The following DNAI7 variants were observed in gnomAD, a reference collection of about 807,000 sequenced individuals.
DNAI7 encodes the protein dynein axonemal intermediate chain 7.
A neutral mutation model predicts 86.6 loss-of-function variants in DNAI7; 78 were observed. The ratio of observed to expected loss-of-function variants is 0.90; its 90% CI spans 0.75 to 1.09. The LOEUF is 1.09. Ranked by LOEUF, DNAI7 falls within the 50% of genes least tolerant of loss-of-function variation. The pLI is 0.00. For synonymous variants in DNAI7, 274 were observed against 273.0 expected (o/e 1.00, Z -0.04); for missense variants, 753 against 810.2 (o/e 0.93, Z 0.86).
At chr12:25,173,778 T>C (rs954972447) in intron 2 of DNAI7, among the ~76,000 whole-genome samples, 1 of 151,218 alleles carries the variant, frequency 6.6e-6, no homozygotes, top group African/African-American at 2.4e-5. Context: ...AAATCATATA[T>C]ATACACACAT....
chr12:25,127,782 A>G (rs10842475), intron 9 of DNAI7, among the ~76,000 whole-genome samples: 60,367 of 152,048 alleles, frequency 0.4, 13,875 homozygotes, highest in East Asian at 0.78. Flanking sequence ...TGATATAAAA[A>G]CATAACCTAT....
Position 25,177,352 on chromosome 12 carries a change from C to T in DNAI7, c.21+13262G>A, listed in dbSNP as rs182006190. Among the ~76,000 whole-genome samples, 13 of 152,296 alleles carry T rather than the reference C, an allele frequency of 8.5e-5. No individual in the cohort carries two copies. In the East Asian group the frequency reaches 2.3e-3, roughly 27 times the overall value. Reference sequence around the variant, plus strand: ...CAATAGCTCCCCATTGCCCCTAGCCCTGTCACTCACCATTCTACTTTGTCT... The same window carrying T: ...CAATAGCTCCCCATTGCCCCTAGCCTTGTCACTCACCATTCTACTTTGTCT... On this transcript the variant is annotated intron_variant, in intron 2 of 15. Coordinates refer to ENST00000395987, the MANE Select transcript of DNAI7 (RefSeq NM_018272.5).
At chr12:25,156,771 G>T (rs1389192945) in intron 4 of DNAI7, among the ~76,000 whole-genome samples, 1 of 151,968 alleles carries the variant, frequency 6.6e-6, no homozygotes, top group African/African-American at 2.4e-5. Flanking sequence ...TTCTGATTTG[G>T]TTGGTGATTA....
intron 5 of DNAI7, 31 bp downstream of exon 5, chr12:25,155,280 G>A: frequency 8.5e-7 from 1 of 1,182,456 alleles, no homozygotes; most frequent in South Asian, 1.3e-5. Context: ...GGTGACAAAG[G>A]TATTAGCTAA....
At chr12:25,190,099 CAAAGT>C (rs1245176108) in intron 2 of DNAI7, among the ~76,000 whole-genome samples, 3 of 150,176 alleles carry the variant, frequency 2.0e-5, no homozygotes, top group Non-Finnish European at 3.0e-5. Context: ...TATAAATCTA[CAAAGT>C]AAAGAGAGAA....
At chr12:25,117,938 CTTTTTTTTTT>C (rs776942936) in intron 12 of DNAI7, among the ~76,000 whole-genome samples, 7 of 135,036 alleles carry the variant, frequency 5.2e-5, no homozygotes, top group African/African-American at 1.4e-4. Flanking sequence ...TTTTCTTTTT[CTTTTTTTTTT>C]TTTTTTTGAG....
intron 1 of DNAI7, chr12:25,192,975 C>G (rs1370952324): frequency 6.6e-6 from 1 of 151,706 alleles, no homozygotes; most frequent in African/African-American, 2.4e-5. Context: ...AAGCAAGACC[C>G]TGTCTAAAAA....
At chr12:25,143,732 A>G (rs925982493) in intron 9 of DNAI7, among the ~76,000 whole-genome samples, 1 of 152,254 alleles carries the variant, frequency 6.6e-6, no homozygotes, top group Non-Finnish European at 1.5e-5. Flanking sequence ...TTGGTCCCTC[A>G]TAACATGCAA....
chr12:25,145,551 T>C (rs891194627), intron 8 of DNAI7, among the ~76,000 whole-genome samples: 3 of 152,232 alleles, frequency 2.0e-5, no homozygotes, highest in African/African-American at 7.2e-5. Context: ...TGAGAAAGGT[T>C]ACTATATTGT....
At chr12:25,127,127 G>C (rs954676965) in intron 9 of DNAI7, among the ~76,000 whole-genome samples, 3 of 152,170 alleles carry the variant, frequency 2.0e-5, no homozygotes, top group African/African-American at 7.2e-5. Flanking sequence ...ACTTCTAGAA[G>C]GATGCAGTGA....
intron 2 of DNAI7, among the ~76,000 whole-genome samples, chr12:25,174,489 C>G (rs1453045348): frequency 1.4e-4 from 2 of 14,088 alleles, no homozygotes; most frequent in South Asian, 2.3e-3. Context: ...ATATATATAT[C>G]ATATATCCCA....
chr12:25,135,963 A>C (rs1943501748), intron 9 of DNAI7, among the ~76,000 whole-genome samples: 1 of 152,116 alleles, frequency 6.6e-6, no homozygotes, highest in Non-Finnish European at 1.5e-5. Context: ...TGGGAGCTCT[A>C]TGGCCCCATC....
rs1949425284 is a variant in DNAI7, at chr12:25,108,575, G to C, written c.2142C>G (p.Leu714=). Reference sequence around the variant, plus strand: ...AGGAGTAGCTGAGCAATCTGGTAGAGAGCAGCATGTGGCACACAGAGTTGA... The same window carrying C: ...AGGAGTAGCTGAGCAATCTGGTAGACAGCAGCATGTGGCACACAGAGTTGA... ...QFVNSVCHML[L]STRLLSYS The change falls in exon 16 of 16, where the codon CTC becomes CTG. Residue 714 remains leucine (L), a synonymous_variant. Transcript: ENST00000395987. 2 of 1,613,638 alleles carry C rather than the reference G, an allele frequency of 1.2e-6. No homozygotes were observed. Among genetic ancestry groups the C allele is most frequent in the Non-Finnish European group, 8.5e-7 (1 of 1,179,784 alleles).
chr12:25,149,515 G>C lies in DNAI7; in HGVS notation c.585+113C>G, dbSNP rs554014480. 14 of 726,820 alleles carry C rather than the reference G, an allele frequency of 1.9e-5. No individual in the cohort carries two copies. The Admixed American group carries it at 2.7e-4, about 14-fold the overall frequency. 45.0% of individuals were successfully genotyped at this position (726,820 alleles called of 1,614,324 possible). A position where few individuals can be genotyped will look rare whatever the true frequency, so the allele number is the denominator to read the frequency against. ...AAATATATGTACTCTAAATTATTCTGCTAACTTTTCCATAATCTCTTCATT... is the reference window on the plus strand; with the variant it reads ...AAATATATGTACTCTAAATTATTCTCCTAACTTTTCCATAATCTCTTCATT... On this transcript the variant is annotated intron_variant, in intron 7 of 15. Transcript: ENST00000395987.
chr12:25,168,249 G>A (rs981811250), intron 2 of DNAI7, among the ~76,000 whole-genome samples: 17 of 152,062 alleles, frequency 1.1e-4, no homozygotes, highest in African/African-American at 4.1e-4. Context: ...ACCTACATGT[G>A]TCTACCTGCT....
rs376270782 is a variant in DNAI7 at position 25,114,730 on chromosome 12, G to A, written c.1537C>T (p.Leu513=). The A allele has an allele frequency of 1.0e-4, 166 of 1,613,740 alleles. No homozygotes were observed. The highest frequency in any genetic ancestry group is 1.3e-4 in the Non-Finnish European group (153 of 1,179,816). ...ACTTTATTTACATCAAGTGGTCTTA[G>A]TTCCCATGACTGGTACGGCATGTTA... is the stretch of plus-strand genomic sequence containing the variant. The part of the protein sequence containing the change: ...HINMPYQSWE[L]RPLDVNKVLL... The change falls in exon 13 of 16, where the codon CTA becomes TTA. Residue 513 remains leucine (L), a synonymous_variant. Transcript: ENST00000395987.
At position 25,157,476 on chromosome 12, in the gene DNAI7, TAA is replaced by T. The variant is rs1946323738; in HGVS notation, c.198+994_198+995del. ...ATATGAGAATCCAGCTGTCTTCTGT[TAA>T]GTCAGATATCAAATAAATTTTTAAA... On this transcript the variant is annotated intron_variant, in intron 4 of 15. Coordinates refer to ENST00000395987, the MANE Select transcript of DNAI7 (RefSeq NM_018272.5). Among the ~76,000 whole-genome samples, 3 of 152,220 alleles carry T rather than the reference TAA, an allele frequency of 2.0e-5. No homozygotes were observed. In the South Asian group the frequency reaches 6.2e-4, roughly 32 times the overall value.
In DNAI7 at chr12:25,117,938, C is replaced by CTTTTTTTT. The variant is rs776942936; in HGVS notation, c.1396+1199_1396+1206dup. ...TAAACTATTTTGATATTTTCTTTTTCTTTTTTTTTTTTTTTTTGAGACGGA... is the reference window on the plus strand; with the variant it reads ...TAAACTATTTTGATATTTTCTTTTTCTTTTTTTTTTTTTTTTTTTTTTTTTGAGACGGA... On this transcript the variant is annotated intron_variant, in intron 12 of 15. Transcript: ENST00000395987. Among the ~76,000 whole-genome samples, 2 of 135,034 alleles carry CTTTTTTTT rather than the reference C, an allele frequency of 1.5e-5. 1 individual carries two copies. Among genetic ancestry groups the CTTTTTTTT allele is most frequent in the Non-Finnish European group, 3.1e-5 (2 of 64,064 alleles). The allele number at this position is 135,034 out of a possible 152,430, so 88.6% of individuals were successfully genotyped here.
At chr12:25,158,396 G>A (rs1159340741) in intron 4 of DNAI7, 76 bp downstream of exon 4, 1 of 1,176,890 alleles carries the variant, frequency 8.5e-7, no homozygotes, top group Non-Finnish European at 1.2e-6. Context: ...TATGGGCTGA[G>A]AAGGACATTA....
Sources: allele counts gnomAD v4.1 joint callset (sites outside exome capture counted in the v4.1 genomes callset), GRCh38; gene constraint gnomAD v4.1.1; transcripts MANE v1.5; gene names NCBI Gene and HGNC (gene_info 2026-07-23, HGNC 2026-07-21).